OPCML: variants seen among roughly 807,000 people sequenced by gnomAD.
OPCML encodes opioid-binding protein/cell adhesion molecule.
OPCML carries 13 observed loss-of-function variants against 37.8 expected under a neutral mutation model. The ratio of observed to expected loss-of-function variants is 0.34; its 90% confidence interval spans 0.22 to 0.55. OPCML has a LOEUF of 0.55. OPCML is among the 20% of genes least tolerant of loss of function. OPCML has a pLI of 0.91. For synonymous variants in OPCML, 176 were observed against 168.8 expected, an observed-to-expected ratio of 1.04 and a Z score of -0.33; for missense variants, 341 against 435.6, an observed-to-expected ratio of 0.78 and a Z score of 1.93.
chr11:133,047,294 C>T (rs1948034412), intron 1 of OPCML, among the ~76,000 whole-genome samples: 1 of 152,246 alleles, frequency 6.6e-6, no homozygotes, highest in Non-Finnish European at 1.5e-5. Flanking sequence ...TGAGTTCATT[C>T]AGACAGTCAC....
At chr11:132,474,111 T>C (rs549383140) in intron 4 of OPCML, among the ~76,000 whole-genome samples, 1 of 152,214 alleles carries the variant, frequency 6.6e-6, no homozygotes, top group South Asian at 2.1e-4. Flanking sequence ...ACGACTGGCC[T>C]ACATTTACCA....
At chr11:133,287,493 C>G (rs1171818636) in intron 1 of OPCML, among the ~76,000 whole-genome samples, 1 of 135,314 alleles carries the variant, frequency 7.4e-6, no homozygotes, top group African/African-American at 2.8e-5. Context: ...AGACCGGAAA[C>G]AGTAACTACA....
At chr11:133,286,368 G>A (rs1942297942) in intron 1 of OPCML, among the ~76,000 whole-genome samples, 1 of 150,864 alleles carries the variant, frequency 6.6e-6, no homozygotes, top group African/African-American at 2.4e-5. Context: ...TACTCGGGAG[G>A]TTGAGGCAGG....
intron 2 of OPCML, among the ~76,000 whole-genome samples, chr11:132,686,898 G>A (rs1225241762): frequency 2.0e-5 from 3 of 152,052 alleles, no homozygotes; most frequent in Admixed American, 1.3e-4. Flanking sequence ...AAAAGGCCGT[G>A]GCACAGAAAA....
intron 2 of OPCML, among the ~76,000 whole-genome samples, chr11:132,840,871 A>T (rs1053540249): frequency 2.0e-5 from 3 of 152,114 alleles, no homozygotes; most frequent in African/African-American, 7.2e-5. Flanking sequence ...GCGCCAGGCC[A>T]GGAAGGGAAG....
chr11:133,256,093 T>G (rs1941303971), intron 1 of OPCML, among the ~76,000 whole-genome samples: 1 of 152,238 alleles, frequency 6.6e-6, no homozygotes, highest in Admixed American at 6.5e-5. Context: ...ATATGGATTT[T>G]GTTTCTATGG....
At chr11:133,152,453 C>G (rs184261401) in intron 1 of OPCML, among the ~76,000 whole-genome samples, 1 of 152,250 alleles carries the variant, frequency 6.6e-6, no homozygotes, top group East Asian at 1.9e-4. Context: ...ACTTCTGCAT[C>G]CACATCGACC....
chr11:132,664,083 C>T (rs1442376795), intron 2 of OPCML, among the ~76,000 whole-genome samples: 1 of 152,138 alleles, frequency 6.6e-6, no homozygotes, highest in African/African-American at 2.4e-5. Flanking sequence ...CCGCCCGCCT[C>T]GGCCTCCCAA....
chr11:132,497,873 CTG>C lies in OPCML; in HGVS notation c.505+31186_505+31187del, dbSNP rs539507646. Among the ~76,000 whole-genome samples the C allele has an allele frequency of 9.2e-5, 14 of 152,286 alleles. 1 individual carries two copies. The South Asian group carries it at 2.9e-3, about 32-fold the overall frequency. ...CTATATGAAAATGGGAGGCTACACT[CTG>C]TACTTTTTTAAATTTTTTTAAAAAA... is the stretch of plus-strand genomic sequence containing the variant. On this transcript the variant is annotated intron_variant, in intron 4 of 7. Coordinates refer to ENST00000524381, the MANE Select transcript of OPCML (RefSeq NM_001012393.5).
intron 2 of OPCML, among the ~76,000 whole-genome samples, chr11:132,908,773 T>A (rs1944327241): frequency 6.6e-6 from 1 of 152,272 alleles, no homozygotes; most frequent in Admixed American, 6.5e-5. Flanking sequence ...CTTTGCACTT[T>A]CACGTTAATA....
chr11:132,524,392 G>T (rs1268002045), intron 4 of OPCML, among the ~76,000 whole-genome samples: 1 of 152,074 alleles, frequency 6.6e-6, no homozygotes, highest in African/African-American at 2.4e-5. Context: ...TGGGCCATGG[G>T]TCACTAAGTA....
chr11:132,710,086 A>C (rs562154860), intron 2 of OPCML, among the ~76,000 whole-genome samples: 2 of 152,342 alleles, frequency 1.3e-5, no homozygotes, highest in South Asian at 4.1e-4. Context: ...GTGGTTCTCC[A>C]ACTCTGGTGT....
chr11:132,632,903 C>G (rs566737237), intron 3 of OPCML, among the ~76,000 whole-genome samples: 1 of 150,756 alleles, frequency 6.6e-6, no homozygotes, highest in Non-Finnish European at 1.5e-5. Flanking sequence ...CAGCCTTTCT[C>G]GTACATCTAC....
At chr11:133,379,151 A>C (rs1944877107) in intron 1 of OPCML, among the ~76,000 whole-genome samples, 1 of 152,174 alleles carries the variant, frequency 6.6e-6, no homozygotes, top group Admixed American at 6.5e-5. Flanking sequence ...ATAACCTATC[A>C]ATAATAATTT....
At chr11:133,136,166 A>T (rs1458025451) in intron 1 of OPCML, among the ~76,000 whole-genome samples, 1 of 152,230 alleles carries the variant, frequency 6.6e-6, no homozygotes, top group African/African-American at 2.4e-5. Flanking sequence ...AATAATGCAT[A>T]CAGTAAAACC....
At chr11:133,402,251 A>AC in intron 1 of OPCML, among the ~76,000 whole-genome samples, 1 of 118,642 alleles carries the variant, frequency 8.4e-6, no homozygotes, top group Non-Finnish European at 1.8e-5. Flanking sequence ...CTGATTTTAT[A>AC]AAAAAAAACC....
At chr11:133,259,314 C>T (rs1215406035) in intron 1 of OPCML, among the ~76,000 whole-genome samples, 1 of 152,084 alleles carries the variant, frequency 6.6e-6, no homozygotes, top group African/African-American at 2.4e-5. Context: ...ATATTATTAA[C>T]CTCATCATTC....
intron 2 of OPCML, among the ~76,000 whole-genome samples, chr11:132,794,899 TAAAAAAA>T (rs55742457): frequency 3.6e-5 from 5 of 140,752 alleles, no homozygotes; most frequent in Non-Finnish European, 6.2e-5. Context: ...ATATCATGAG[TAAAAAAA>T]AAAAAAAAGA....
chr11:133,410,266 A>G (rs1372292135), intron 1 of OPCML, among the ~76,000 whole-genome samples: 1 of 152,174 alleles, frequency 6.6e-6, no homozygotes, highest in Non-Finnish European at 1.5e-5. Context: ...GTTGGCATCA[A>G]GATTCCACTC....
Sources: gnomAD v4.1 joint callset for allele counts (sites outside exome capture counted in the v4.1 genomes callset) on GRCh38, gnomAD v4.1.1 for gene constraint, MANE v1.5 for transcripts, NCBI Gene and HGNC (gene_info 2026-07-23, HGNC 2026-07-21) for gene names.